Variants in LPIN1 observed in about 807,000 individuals in gnomAD.
LPIN1 encodes the protein lipin 1, also known as phosphatidate phosphatase LPIN1.
In LPIN1, 71 loss-of-function variants were observed where a neutral mutation model predicts 107.5. The ratio of observed to expected loss-of-function variants is 0.66; its 90% CI spans 0.55 to 0.80. The LOEUF (loss-of-function observed/expected upper bound fraction) is 0.80, where lower values mean the gene tolerates loss of function less well. Ranked by LOEUF, LPIN1 falls within the 30% of genes least tolerant of loss-of-function variation. LPIN1 has a pLI of 0.00. For missense variants in LPIN1, 1,043 were observed against 1,160.6 expected, an observed-to-expected ratio of 0.90 and a Z score of 1.47; for synonymous variants, 445 against 452.6, an observed-to-expected ratio of 0.98 and a Z score of 0.21.
chr2:11,814,624 C>A (rs1428342262), intron 17 of LPIN1, among the ~76,000 whole-genome samples: 1 of 151,524 alleles, frequency 6.6e-6, no homozygotes, highest in Non-Finnish European at 1.5e-5. Flanking sequence ...GTGAATTACC[C>A]AAAAGAGAGG....
chr2:11,770,583 G>C (rs903796340), intron 3 of LPIN1, among the ~76,000 whole-genome samples: 1 of 152,200 alleles, frequency 6.6e-6, no homozygotes, highest in Non-Finnish European at 1.5e-5. Flanking sequence ...CAGCATGTCT[G>C]ATGCTCTCCA....
In LPIN1 at chr2:11,791,575, C is replaced by T. The variant is rs1004425768; in HGVS notation, c.1714-339C>T. 1.1e-5 allele frequency: 10 copies of T among 934,568 alleles called. No individual in the cohort carries two copies. In the African/African-American group the frequency reaches 1.2e-4, roughly 11 times the overall value. 57.9% of individuals were successfully genotyped at this position (934,568 alleles called of 1,614,324 possible). A position where few individuals can be genotyped will look rare whatever the true frequency, so the allele number is the denominator to read the frequency against. ...CATATTGAGAGTAATGATATCTTAA[C>T]CAGTTAGCCACTTTAATTTGAAAAC... On this transcript the variant is annotated intron_variant, in intron 12 of 20. Transcript: ENST00000674199.
intron 16 of LPIN1, 77 bp downstream of exon 16, chr2:11,804,648 C>G: frequency 6.9e-7 from 1 of 1,455,508 alleles, no homozygotes; most frequent in Non-Finnish European, 9.6e-7. Flanking sequence ...GTGTTGGCAC[C>G]TCTGCTCTCC....
intron 1 of LPIN1, among the ~76,000 whole-genome samples, chr2:11,759,133 T>TTTTCTTTCTTTCTTTCTTTC (rs201897285): frequency 1.7e-4 from 22 of 131,640 alleles, no homozygotes; most frequent in East Asian, 1.1e-3. Context: ...GCTTTCTTTC[T>TTTTCTTTCTTTCTTTCTTTC]TTTCTTTCTT....
intron 1 of LPIN1, among the ~76,000 whole-genome samples, chr2:11,687,665 GT>G (rs1662076448): frequency 6.6e-6 from 1 of 152,232 alleles, no homozygotes; most frequent in Non-Finnish European, 1.5e-5. Context: ...CAATACATTT[GT>G]AGCAATGACA....
At chr2:11,785,937 A>T (rs552984970) in intron 10 of LPIN1, among the ~76,000 whole-genome samples, 1 of 152,074 alleles carries the variant, frequency 6.6e-6, no homozygotes, top group South Asian at 2.1e-4. Flanking sequence ...CCATTCATTC[A>T]CTCAGTTTTC....
intron 17 of LPIN1, among the ~76,000 whole-genome samples, chr2:11,807,544 C>A (rs1234695472): frequency 6.9e-6 from 1 of 143,976 alleles, no homozygotes; most frequent in African/African-American, 2.6e-5. Context: ...TGATTTGTCT[C>A]TTGGTTTTCT....
chr2:11,697,963 C>T lies in LPIN1; in HGVS notation c.82-15793C>T, dbSNP rs1395589632. On this transcript the variant is annotated intron_variant, in intron 1 of 21. Coordinates refer to the LPIN1 transcript ENST00000449576. This position sits in a 1 kb window ranked among gnomAD's most constrained non-coding sequence, Gnocchi z 4.6. ...GGGTGGCTTCCTGACCCAGAAGTGC[C>T]CAGTTTTGCCTACAGTCCTGGTGGA... Among the ~76,000 whole-genome samples the T allele has an allele frequency of 6.6e-6, 1 of 152,124 alleles. No individual in the cohort carries two copies. The highest frequency in any genetic ancestry group is 2.4e-5 in the African/African-American group (1 of 41,434).
At chr2:11,787,805 G>C (rs1344119579) in intron 11 of LPIN1, among the ~76,000 whole-genome samples, 1 of 152,110 alleles carries the variant, frequency 6.6e-6, no homozygotes, top group African/African-American at 2.4e-5. Flanking sequence ...GCTGGGCGCG[G>C]TGGCGGGCGC....
chr2:11,818,766 A>C (rs1004595685), intron 18 of LPIN1: 4 of 152,148 alleles, frequency 2.6e-5, no homozygotes, highest in African/African-American at 9.7e-5. Flanking sequence ...TGTTCACTGT[A>C]GGTTTTTTTA....
chr2:11,727,015 A>C lies in LPIN1; in HGVS notation c.-72+2476A>C, dbSNP rs563467146. Among the ~76,000 whole-genome samples, 14 of 152,356 alleles carry C rather than the reference A, an allele frequency of 9.2e-5. No homozygotes were observed. In the South Asian group the frequency reaches 2.9e-3, roughly 32 times the overall value. ...ACATGGTGCAGACATGCCATGCTGG[A>C]GTTGTCAACCCTGAACACTTGATTA... is the stretch of plus-strand genomic sequence containing the variant. On this transcript the variant is annotated intron_variant, in intron 1 of 21. Transcript: ENST00000396097.
upstream of LPIN1, chr2:11,677,552 C>T (rs1053520814): frequency 5.1e-5 from 47 of 926,350 alleles, no homozygotes; most frequent in East Asian, 1.2e-3. Context: ...CCAGTGTCAC[C>T]CAGCCCAGCC....
chr2:11,748,090 G>A (rs560334044), intron 1 of LPIN1, among the ~76,000 whole-genome samples: 1 of 152,238 alleles, frequency 6.6e-6, no homozygotes, highest in Non-Finnish European at 1.5e-5. Context: ...GAGAGAACGC[G>A]AGGGTTCAGG....
Position 11,814,925 on chromosome 2 carries a change from T to G in LPIN1, c.2250-163T>G, listed in dbSNP as rs369607105. Among the ~76,000 whole-genome samples, 15 of 152,366 alleles carry G rather than the reference T, an allele frequency of 9.8e-5. No individual in the cohort carries two copies. In the East Asian group the frequency reaches 1.7e-3, roughly 18 times the overall value. ...AATTACAGTGAAATGTATTTAAGCCTATTTCTCAATTGCAAGCAAGATTTT... is the reference window on the plus strand; with the variant it reads ...AATTACAGTGAAATGTATTTAAGCCGATTTCTCAATTGCAAGCAAGATTTT... On this transcript the variant is annotated intron_variant, in intron 17 of 20. Transcript: ENST00000674199.
In LPIN1 at chr2:11,765,855, C is replaced by A. The variant is rs1670787736; in HGVS notation, c.192+122C>A. 1 of 807,180 alleles carries A rather than the reference C, an allele frequency of 1.2e-6. No homozygotes were observed. Among genetic ancestry groups the A allele is most frequent in the Non-Finnish European group, 1.9e-6 (1 of 516,748 alleles). The allele number at this position is 807,180 out of a possible 1,614,324, so 50.0% of individuals were successfully genotyped here. On this transcript the variant is annotated intron_variant, in intron 2 of 20. Coordinates refer to ENST00000674199, the MANE Select transcript of LPIN1 (RefSeq NM_001349206.2). The surrounding 1 kb of genome is among the most constrained non-coding windows in gnomAD (Gnocchi z 4.4). ...GTTTTAGGTCTTCGTTGGAAATGGC[C>A]AGTCACGGAACTGACAGTGACTAAT...
rs930188457 is a variant in LPIN1 at position 11,826,503 on chromosome 2, G to A, written c.*1712G>A. The A allele has an allele frequency of 5.8e-5, 6 of 103,078 alleles. No homozygotes were observed. The highest frequency in any genetic ancestry group is 1.4e-4 in the Admixed American group (1 of 6,898). 6.4% of individuals were successfully genotyped at this position (103,078 alleles called of 1,614,324 possible). On this transcript the variant is annotated 3_prime_UTR_variant, in exon 21 of 21. Transcript: ENST00000674199. ...CACTCCAGCCTGGGTGACAGAGTAA[G>A]ACTCCATGTCAAAAAAAAAAAAAAA...
At chr2:11,824,419 C>T (rs1408045528) in intron 20 of LPIN1, among the ~76,000 whole-genome samples, 2 of 151,676 alleles carry the variant, frequency 1.3e-5, no homozygotes, top group Admixed American at 6.6e-5. Context: ...ACCTCTTCCC[C>T]AGAGCCTTCT....
In LPIN1 at chr2:11,774,853, A is replaced by G. The variant is rs1418904135; in HGVS notation, c.722+1108A>G. Reference sequence around the variant, plus strand: ...CAGGCTGAGGCTGAGGCCTGTGACAAAGTCCCTGCATGGAGGTCTTCCTGC... The same window carrying G: ...CAGGCTGAGGCTGAGGCCTGTGACAGAGTCCCTGCATGGAGGTCTTCCTGC... On this transcript the variant is annotated intron_variant, in intron 5 of 20. Coordinates refer to ENST00000674199, the MANE Select transcript of LPIN1 (RefSeq NM_001349206.2). This position sits in a 1 kb window ranked among gnomAD's most constrained non-coding sequence, Gnocchi z 4.4. Among the ~76,000 whole-genome samples, 1 of 152,146 alleles carries G rather than the reference A, an allele frequency of 6.6e-6. No individual in the cohort carries two copies. The highest frequency in any genetic ancestry group is 2.4e-5 in the African/African-American group (1 of 41,428).
Position 11,771,636 on chromosome 2 carries a change from G to A in LPIN1, c.553G>A (p.Glu185Lys), listed in dbSNP as rs1182089080. ...TGAGGATGAGGACATGTTCCCCATCGAGATGAGCTCGGATGAGGCCATGGA... is the reference window on the plus strand; with the variant it reads ...TGAGGATGAGGACATGTTCCCCATCAAGATGAGCTCGGATGAGGCCATGGA... Reference protein sequence around the residue: ...TSEDEDMFPIEMSSDEAMELL... With the variant: ...TSEDEDMFPIKMSSDEAMELL... The change falls in exon 4 of 21, where the codon GAG becomes AAG. Residue 185 changes from glutamate to lysine, a missense_variant. Transcript: ENST00000674199. This position sits in a 1 kb window ranked among gnomAD's most constrained non-coding sequence, Gnocchi z 4.8. 8.1e-6 allele frequency: 13 copies of A among 1,603,690 alleles called. No homozygotes were observed. In the East Asian group the frequency reaches 9.0e-5, roughly 11 times the overall value.
Sources: allele counts gnomAD v4.1 joint callset (sites outside exome capture counted in the v4.1 genomes callset), GRCh38; gene constraint gnomAD v4.1.1; non-coding constraint Gnocchi (gnomAD v3.1); transcripts MANE v1.5; gene names NCBI Gene and HGNC (gene_info 2026-07-23, HGNC 2026-07-21).